Variants in ANOS1 observed in about 807,000 individuals in gnomAD.
ANOS1 encodes the protein anosmin-1.
ANOS1 carries 6 observed loss-of-function variants against 59.0 expected under a neutral mutation model. The observed-to-expected ratio is 0.10, with a 90% CI of 0.06 to 0.20. The LOEUF (loss-of-function observed/expected upper bound fraction) is 0.20. Among genes scored for constraint, ANOS1 ranks in the 10% least tolerant of loss-of-function variants. The pLI is 1.00. For missense variants in ANOS1, 433 were observed against 542.3 expected (o/e 0.80, Z 2.00); for synonymous variants, 217 against 223.4 (o/e 0.97, Z 0.25).
In ANOS1 at chrX:8,529,244, A is replaced by C. The variant is rs1336795207; in HGVS notation, c.*3751T>G. ...TATAACTCACTAGAATATTCAGTAGAGGTAAGACAGTCATGAGAATCCTCT... is the reference window on the plus strand; with the variant it reads ...TATAACTCACTAGAATATTCAGTAGCGGTAAGACAGTCATGAGAATCCTCT... On this transcript the variant is annotated 3_prime_UTR_variant, in exon 14 of 14. Coordinates refer to ENST00000262648, the MANE Select transcript of ANOS1 (RefSeq NM_000216.4). The C allele has an allele frequency of 4.5e-5, 5 of 111,800 alleles. No individual in the cohort carries two copies. The highest frequency in any genetic ancestry group is 5.6e-5 in the Non-Finnish European group (3 of 53,182). The allele number at this position is 111,800 out of a possible 1,213,427, so 9.2% of individuals were successfully genotyped here.
At chrX:8,595,129 T>C (rs1161396028) in intron 4 of ANOS1, among the ~76,000 whole-genome samples, 4 of 110,987 alleles carry the variant, frequency 3.6e-5, no homozygotes, top group African/African-American at 9.8e-5. Flanking sequence ...TATTATCTCT[T>C]TAAAACACTA....
chrX:8,705,655 A>T (rs1932775839), intron 1 of ANOS1, among the ~76,000 whole-genome samples: 2 of 112,057 alleles, frequency 1.8e-5, no homozygotes, highest in African/African-American at 6.5e-5. Flanking sequence ...GAAGAGCAAT[A>T]AAAAAATACA....
At chrX:8,533,117 C>T in intron 13 of ANOS1, 64 bp from the exon 14 acceptor site, 1 of 703,655 alleles carries the variant, frequency 1.4e-6, no homozygotes, top group Non-Finnish European at 2.3e-6. Context: ...GATAGAATTA[C>T]CTTTATTTGT....
chrX:8,534,083 G>A lies in ANOS1; in HGVS notation c.1984+236C>T, dbSNP rs1484762278. Among the ~76,000 whole-genome samples the A allele has an allele frequency of 2.8e-5, 3 of 108,524 alleles. No individual in the cohort carries two copies. The East Asian group carries it at 8.7e-4, about 32-fold the overall frequency. The allele number at this position is 108,524 out of a possible 115,157, so 94.2% of individuals were successfully genotyped here. On this transcript the variant is annotated intron_variant, in intron 13 of 13. Transcript: ENST00000262648. ...AGAAAGGGAGAAAAGCGGGGAAGAG[G>A]GAGGGAGGGAGAAAAAGAACAATTA... is the stretch of plus-strand genomic sequence containing the variant.
At chrX:8,682,354 C>CCACA (rs757532758) in intron 2 of ANOS1, among the ~76,000 whole-genome samples, 81 of 101,622 alleles carry the variant, frequency 8.0e-4, no homozygotes, top group African/African-American at 2.3e-3. Context: ...GAGAATTTCA[C>CCACA]CACACACACA....
chrX:8,656,540 C>T lies in ANOS1; in HGVS notation c.256-32870G>A, dbSNP rs1392518295. ...TTCCATTTTCCTTTATGCCCTGAGC[C>T]ACTCATTCATCCTCGTCTAAGTTGC... On this transcript the variant is annotated intron_variant, in intron 2 of 13. Coordinates refer to ENST00000262648, the MANE Select transcript of ANOS1 (RefSeq NM_000216.4). Among the ~76,000 whole-genome samples, 10 of 111,355 alleles carry T rather than the reference C, an allele frequency of 9.0e-5. No homozygotes were observed. In the Admixed American group the frequency reaches 9.6e-4, roughly 11 times the overall value.
intron 1 of ANOS1, among the ~76,000 whole-genome samples, chrX:8,701,345 G>C (rs1320753823): frequency 2.7e-5 from 3 of 111,883 alleles, no homozygotes; most frequent in Non-Finnish European, 5.6e-5. Context: ...AAAGAAAATT[G>C]AACCAAAAAA....
intron 1 of ANOS1, among the ~76,000 whole-genome samples, chrX:8,715,449 T>C (rs1270302985): frequency 4.7e-5 from 5 of 107,029 alleles, no homozygotes; most frequent in Non-Finnish European, 1.9e-5. Context: ...TTTTTCTTTT[T>C]TTTTTTTTTG....
At chrX:8,711,405 A>G (rs1470371897) in intron 1 of ANOS1, among the ~76,000 whole-genome samples, 1 of 113,065 alleles carries the variant, frequency 8.8e-6, no homozygotes, top group Non-Finnish European at 1.9e-5. Flanking sequence ...TAGTAAGCAC[A>G]CCTTACTTAA....
chrX:8,546,216 T>C (rs1929769796), intron 9 of ANOS1, among the ~76,000 whole-genome samples: 1 of 112,052 alleles, frequency 8.9e-6, no homozygotes, highest in Admixed American at 9.5e-5. Flanking sequence ...TGGGGAAACT[T>C]TGGTTTGGGA....
At chrX:8,692,338 T>TA (rs773556167) in intron 2 of ANOS1, among the ~76,000 whole-genome samples, 5 of 111,761 alleles carry the variant, frequency 4.5e-5, no homozygotes, top group Non-Finnish European at 7.5e-5. Context: ...TTGCAACAGA[T>TA]ACTTTATGGG....
At chrX:8,592,631 G>A (rs1930641562) in intron 4 of ANOS1, among the ~76,000 whole-genome samples, 1 of 111,207 alleles carries the variant, frequency 9.0e-6, no homozygotes, top group Non-Finnish European at 1.9e-5. Context: ...GTCTCACCAA[G>A]CCATAAAATA....
At chrX:8,671,099 T>C (rs778825171) in intron 2 of ANOS1, among the ~76,000 whole-genome samples, 1 of 111,879 alleles carries the variant, frequency 8.9e-6, no homozygotes, top group Non-Finnish European at 1.9e-5. Context: ...CCCCAAAATA[T>C]CTTGTGTCAA....
chrX:8,554,600 G>A (rs1929919749), intron 8 of ANOS1, among the ~76,000 whole-genome samples: 2 of 87,870 alleles, frequency 2.3e-5, no homozygotes, highest in South Asian at 1.2e-3. Context: ...ATGGAGTCTC[G>A]CTCTGTCGCC....
intron 8 of ANOS1, among the ~76,000 whole-genome samples, chrX:8,554,565 T>G (rs868719551): frequency 0.035 from 3,478 of 99,343 alleles, 197 homozygotes; most frequent in African/African-American, 0.12. Context: ...TTTTTTTTTT[T>G]TTTTTGTTGT....
Position 8,532,891 on chromosome X carries a change from G to A in ANOS1, c.*104C>T. The A allele has an allele frequency of 1.1e-5, 6 of 543,696 alleles. No individual in the cohort carries two copies. Among genetic ancestry groups the A allele is most frequent in the Non-Finnish European group, 6.6e-6 (2 of 301,927 alleles). 44.8% of individuals were successfully genotyped at this position (543,696 alleles called of 1,213,427 possible). A position where few individuals can be genotyped will look rare whatever the true frequency, so the allele number is the denominator to read the frequency against. On this transcript the variant is annotated 3_prime_UTR_variant, in exon 14 of 14. Transcript: ENST00000262648. The stretch of plus-strand genomic sequence containing the variant: ...CACTAAAGTCACATAGGAGAGTCCG[G>A]GCCTCTGAGCAGTTCCCACTGCCTC...
At chrX:8,558,845 CA>C (rs1364581587) in intron 8 of ANOS1, among the ~76,000 whole-genome samples, 2 of 112,096 alleles carry the variant, frequency 1.8e-5, no homozygotes, top group Non-Finnish European at 3.8e-5. Flanking sequence ...AGATTAGTGA[CA>C]GACATCCAAA....
At chrX:8,645,371 A>C (rs968681013) in intron 2 of ANOS1, among the ~76,000 whole-genome samples, 3 of 111,859 alleles carry the variant, frequency 2.7e-5, no homozygotes, top group African/African-American at 9.7e-5. Context: ...AAGATTCTCA[A>C]CTTCACCTTT....
At position 8,530,543 on chromosome X, in the gene ANOS1, A is replaced by G. The variant is rs892237502; in HGVS notation, c.*2452T>C. 26 of 110,483 alleles carry G rather than the reference A, an allele frequency of 2.4e-4. No individual in the cohort carries two copies. The highest frequency in any genetic ancestry group is 4.4e-4 in the Non-Finnish European group (23 of 52,774). The allele number at this position is 110,483 out of a possible 1,213,427, so 9.1% of individuals were successfully genotyped here. ...GCCCATTAATAGCATTTTTCTTCCAATAACACCAATAAAATTTAAATTATT... is the reference window on the plus strand; with the variant it reads ...GCCCATTAATAGCATTTTTCTTCCAGTAACACCAATAAAATTTAAATTATT... On this transcript the variant is annotated 3_prime_UTR_variant, in exon 14 of 14. Transcript: ENST00000262648.
Sources: gnomAD v4.1 joint callset for allele counts (sites outside exome capture counted in the v4.1 genomes callset) on GRCh38, gnomAD v4.1.1 for gene constraint, MANE v1.5 for transcripts, NCBI Gene and HGNC (gene_info 2026-07-23, HGNC 2026-07-21) for gene names.